Variants in MYOF observed in about 807,000 individuals in gnomAD.
MYOF encodes the protein fer-1-like 3, myoferlin.
Under a neutral mutation model 284.2 loss-of-function variants are expected in MYOF, and 244 were observed. The observed-to-expected ratio is 0.86, with a 90% confidence interval of 0.77 to 0.95. MYOF has a LOEUF of 0.95. MYOF is among the 40% of genes least tolerant of loss of function. The probability of loss-of-function intolerance (pLI) is 0.00; values close to 1 mark genes in which losing one functional copy is unlikely to be tolerated. For missense variants in MYOF, 2,496 were observed against 2,560.6 expected (o/e 0.97, Z 0.54); for synonymous variants, 904 against 919.7 (o/e 0.98, Z 0.31).
intron 1 of MYOF, among the ~76,000 whole-genome samples, chr10:93,470,723 G>A (rs918613619): frequency 5.3e-5 from 8 of 152,182 alleles, no homozygotes; most frequent in East Asian, 1.9e-4. Context: ...TTCACTGAAC[G>A]CTGGCCCCAT....
intron 3 of MYOF, among the ~76,000 whole-genome samples, chr10:93,438,975 A>T (rs2056160380): frequency 6.6e-6 from 1 of 152,158 alleles, no homozygotes; most frequent in Admixed American, 6.5e-5. Context: ...TAAAAGGTAG[A>T]AACACTGATC....
At chr10:93,441,333 C>T (rs1042847122) in intron 3 of MYOF, among the ~76,000 whole-genome samples, 8 of 152,134 alleles carry the variant, frequency 5.3e-5, no homozygotes, top group Admixed American at 5.2e-4. Flanking sequence ...TAATTTTATT[C>T]CAAACGCAGT....
At chr10:93,388,835 T>C (rs1426071674) in intron 18 of MYOF, among the ~76,000 whole-genome samples, 195 bp downstream of exon 18, 1 of 152,232 alleles carries the variant, frequency 6.6e-6, no homozygotes, top group Non-Finnish European at 1.5e-5. Context: ...ACCATAAGCA[T>C]AGAAGTTGGG....
chr10:93,307,356 C>A (rs1017951916), intron 53 of MYOF, among the ~76,000 whole-genome samples: 2 of 151,970 alleles, frequency 1.3e-5, no homozygotes, highest in Admixed American at 6.6e-5. Context: ...AGTGCAGTGG[C>A]GCGATCTCGG....
intron 16 of MYOF, among the ~76,000 whole-genome samples, chr10:93,394,025 A>G (rs1459485186): frequency 6.6e-6 from 1 of 152,214 alleles, no homozygotes; most frequent in Non-Finnish European, 1.5e-5. Flanking sequence ...TCAGCAGAGA[A>G]CATTCAGATG....
At chr10:93,404,364 C>T in intron 7 of MYOF, 145 bp from the exon 8 acceptor site, 1 of 782,048 alleles carries the variant, frequency 1.3e-6, no homozygotes, top group South Asian at 1.7e-5. Flanking sequence ...ATGGCAAGGC[C>T]TGGAGTTTAA....
chr10:93,480,342 G>A (rs2057358999), intron 1 of MYOF, among the ~76,000 whole-genome samples: 1 of 151,848 alleles, frequency 6.6e-6, no homozygotes, highest in African/African-American at 2.4e-5. Flanking sequence ...TTTGAGCAAG[G>A]GAATTATAAC....
At chr10:93,390,845 A>G (rs1386140937) in intron 17 of MYOF, among the ~76,000 whole-genome samples, 2 of 152,224 alleles carry the variant, frequency 1.3e-5, no homozygotes, top group Non-Finnish European at 2.9e-5. Flanking sequence ...GTTGAATCAC[A>G]GAATATTCCA....
At chr10:93,466,179 G>A (rs2057005325) in intron 1 of MYOF, among the ~76,000 whole-genome samples, 1 of 152,198 alleles carries the variant, frequency 6.6e-6, no homozygotes, top group African/African-American at 2.4e-5. Flanking sequence ...CCCATCAGGT[G>A]GACCCCTCTC....
intron 25 of MYOF, 34 bp downstream of exon 25, chr10:93,369,611 A>G (rs757838838): frequency 6.2e-7 from 1 of 1,611,580 alleles, no homozygotes; most frequent in East Asian, 2.2e-5. Flanking sequence ...TCCCCCGACC[A>G]AAGAAGAAAA....
chr10:93,461,967 C>T (rs1337271885), intron 1 of MYOF, among the ~76,000 whole-genome samples: 1 of 152,158 alleles, frequency 6.6e-6, no homozygotes, highest in African/African-American at 2.4e-5. Flanking sequence ...GCCAGTTGAC[C>T]ACAGACCAGG....
chr10:93,384,791 CA>C (rs1225683552), intron 19 of MYOF, among the ~76,000 whole-genome samples: 1 of 152,110 alleles, frequency 6.6e-6, no homozygotes, highest in Non-Finnish European at 1.5e-5. Context: ...AGTCGATTTG[CA>C]AAAGGAGGTG....
intron 23 of MYOF, 132 bp downstream of exon 23, chr10:93,374,631 T>C (rs868134581): frequency 2.3e-6 from 2 of 886,338 alleles, no homozygotes; most frequent in Non-Finnish European, 3.3e-6. Flanking sequence ...TCCCTGATTT[T>C]TACAATCTGT....
At chr10:93,315,639 C>A (rs938951603) in intron 50 of MYOF, among the ~76,000 whole-genome samples, 1 of 152,102 alleles carries the variant, frequency 6.6e-6, no homozygotes, top group African/African-American at 2.4e-5. Flanking sequence ...ACCCTCACAA[C>A]GATTTCCTTT....
intron 28 of MYOF, 21 bp downstream of exon 28, chr10:93,361,431 G>A: frequency 6.2e-7 from 1 of 1,610,990 alleles, no homozygotes; most frequent in Non-Finnish European, 8.5e-7. Flanking sequence ...CCCCAATCAG[G>A]TCACAGATGT....
chr10:93,412,684 C>G (rs116778007), intron 5 of MYOF, among the ~76,000 whole-genome samples: 2 of 152,188 alleles, frequency 1.3e-5, no homozygotes, highest in Non-Finnish European at 2.9e-5. Context: ...TTTGTTTCTG[C>G]CCCATGCCTT....
rs554824546 is a variant in MYOF at position 93,380,087 on chromosome 10, G to A, written c.1877-100C>T. On this transcript the variant is annotated intron_variant, in intron 20 of 53. Transcript: ENST00000359263. ...GACTGAGCTGCTGATTAATCCACAG[G>A]CTTGGGGAATAGCTTGAGGTGGTCT... The A allele has an allele frequency of 2.8e-6, 4 of 1,437,182 alleles. No homozygotes were observed. The African/African-American group carries it at 5.6e-5, about 20-fold the overall frequency. The allele number at this position is 1,437,182 out of a possible 1,614,324, so 89.0% of individuals were successfully genotyped here. A position where few individuals can be genotyped will look rare whatever the true frequency, so the allele number is the denominator to read the frequency against.
chr10:93,399,744 C>T (rs548211884), intron 12 of MYOF, among the ~76,000 whole-genome samples: 74 of 152,110 alleles, frequency 4.9e-4, no homozygotes, highest in South Asian at 1.9e-3. Context: ...TGGTGGCACG[C>T]GCCTGTAATC....
At chr10:93,343,660 C>T (rs1485144539) in intron 38 of MYOF, among the ~76,000 whole-genome samples, 196 bp downstream of exon 38, 1 of 152,186 alleles carries the variant, frequency 6.6e-6, no homozygotes, top group African/African-American at 2.4e-5. Context: ...TTGAAGACTA[C>T]TAGTCTACAC....
Sources: gnomAD v4.1 joint callset for allele counts (sites outside exome capture counted in the v4.1 genomes callset) on GRCh38, gnomAD v4.1.1 for gene constraint, MANE v1.5 for transcripts, NCBI Gene and HGNC (gene_info 2026-07-23, HGNC 2026-07-21) for gene names.